Variants in NBEAL1 observed in about 807,000 individuals in gnomAD.
NBEAL1 encodes neurobeachin like 1.
Under a neutral mutation model 351.3 loss-of-function variants are expected in NBEAL1, and 273 were observed. That is an observed-to-expected ratio of 0.78 (90% CI 0.70 to 0.86). NBEAL1 has a LOEUF of 0.86. NBEAL1 is among the 40% of genes least tolerant of loss of function. The probability of loss-of-function intolerance (pLI) is 0.00; values close to 1 mark genes in which losing one functional copy is unlikely to be tolerated. For missense variants in NBEAL1, 2,961 were observed against 3,201.3 expected (o/e 0.92, Z 1.81); for synonymous variants, 1,050 against 1,086.4 (o/e 0.97, Z 0.66).
At chr2:203,151,690 G>A in intron 35 of NBEAL1, 101 bp downstream of exon 35, 1 of 1,126,564 alleles carries the variant, frequency 8.9e-7, no homozygotes, top group Non-Finnish European at 1.2e-6. Context: ...TACTTATGAA[G>A]GAAGGGTGGC....
intron 2 of NBEAL1, among the ~76,000 whole-genome samples, chr2:203,022,791 G>T (rs1445280253): frequency 6.6e-6 from 1 of 152,036 alleles, no homozygotes; most frequent in African/African-American, 2.4e-5. Flanking sequence ...TCTTAACCGA[G>T]AATGTCTTAA....
Position 203,188,583 on chromosome 2 carries a change from T to C in NBEAL1, c.6817T>C (p.Tyr2273His). Residue 2273 changes from tyrosine (Y) to histidine (H), a missense_variant, in exon 45 of 56, where the codon TAT (tyrosine) becomes CAT (histidine). Coordinates refer to ENST00000683969, the MANE Select transcript of NBEAL1 (RefSeq NM_001378026.1). ...ACTCAACGTTTTCTATTATTGTAGT[T>C]ATGAAGGTATAAATCTATACACTTT... is the stretch of plus-strand genomic sequence containing the variant. ...EALNVFYYCS[Y>H]EGAVDLDALT... 1 of 1,564,038 alleles carries C rather than the reference T, an allele frequency of 6.4e-7. No individual in the cohort carries two copies. The highest frequency in any genetic ancestry group is 8.8e-7 in the Non-Finnish European group (1 of 1,140,530).
At chr2:203,192,105 G>A (rs1036352752) in intron 46 of NBEAL1, among the ~76,000 whole-genome samples, 1 of 152,094 alleles carries the variant, frequency 6.6e-6, no homozygotes. Flanking sequence ...CTGTTCCTTA[G>A]CAACAGTTTG....
chr2:203,121,979 T>C (rs1370766732), intron 18 of NBEAL1, among the ~76,000 whole-genome samples: 1 of 151,628 alleles, frequency 6.6e-6, no homozygotes, highest in Admixed American at 6.6e-5. Flanking sequence ...AGAGATGGGG[T>C]TTTACCATGT....
At chr2:203,117,299 T>C (rs2062721922) in intron 18 of NBEAL1, among the ~76,000 whole-genome samples, 1 of 151,552 alleles carries the variant, frequency 6.6e-6, no homozygotes, top group South Asian at 2.1e-4. Context: ...CCCGTCTCTA[T>C]AAAAATACAA....
chr2:203,171,963 C>A lies in NBEAL1; in HGVS notation c.6138C>A (p.Tyr2046Ter). The A allele has an allele frequency of 6.2e-7, 1 of 1,605,628 alleles. No individual in the cohort carries two copies. Residue 2046 changes from tyrosine (Y) to a stop codon, truncating the protein, a stop_gained, in exon 40 of 56, where the codon TAC (tyrosine) becomes TAA (stop). Transcript: ENST00000683969. LOFTEE classifies it high-confidence loss of function. ...ACAGAGAGATATCAAATTTTGACTA[C>A]CTCATTCAAATAAATACAATGGCAG... ...WVNREISNFD[Y>*]LIQINTMAGR...
intron 24 of NBEAL1, among the ~76,000 whole-genome samples, chr2:203,128,601 CTT>C (rs35686158): frequency 4.3e-5 from 6 of 139,326 alleles, no homozygotes; most frequent in Non-Finnish European, 6.1e-5. Flanking sequence ...AGATTTCTTT[CTT>C]TTTTTTTTTT....
chr2:203,212,965 C>T (rs948081807), intron 54 of NBEAL1, among the ~76,000 whole-genome samples: 1 of 152,046 alleles, frequency 6.6e-6, no homozygotes, highest in Non-Finnish European at 1.5e-5. Context: ...GCTCAGAGAA[C>T]GGTGACTAGT....
chr2:203,111,532 G>A (rs1204366334), intron 15 of NBEAL1, among the ~76,000 whole-genome samples: 32 of 151,824 alleles, frequency 2.1e-4, no homozygotes, highest in East Asian at 1.9e-4. Flanking sequence ...CACCATGCCC[G>A]GCTAATGTTT....
chr2:203,068,552 A>G, intron 7 of NBEAL1, 77 bp downstream of exon 7: 1 of 714,778 alleles, frequency 1.4e-6, no homozygotes, highest in Non-Finnish European at 2.3e-6. Context: ...TCTGATTCTG[A>G]TCTTGATTCA....
At chr2:203,027,050 T>G (rs1192560879) in intron 2 of NBEAL1, among the ~76,000 whole-genome samples, 1 of 152,232 alleles carries the variant, frequency 6.6e-6, no homozygotes, top group East Asian at 1.9e-4. Flanking sequence ...TGATTTCTTT[T>G]GTGGAAATAT....
At chr2:203,084,394 T>C in intron 9 of NBEAL1, 69 bp from the exon 10 acceptor site, 1 of 666,290 alleles carries the variant, frequency 1.5e-6, no homozygotes, top group Non-Finnish European at 2.3e-6. Flanking sequence ...AGAAAAATGA[T>C]TAGAGTAAAT....
intron 12 of NBEAL1, among the ~76,000 whole-genome samples, chr2:203,101,499 T>G (rs1399463387): frequency 6.6e-6 from 1 of 152,208 alleles, no homozygotes; most frequent in Non-Finnish European, 1.5e-5. Context: ...TTTGGTTCCA[T>G]ATTAATTTTA....
At chr2:203,096,223 C>T (rs7601698) in intron 10 of NBEAL1, among the ~76,000 whole-genome samples, 139,392 of 152,266 alleles carry the variant, frequency 0.92, 64,305 homozygotes, top group Non-Finnish European at 0.97. Flanking sequence ...AGCCAGTAAG[C>T]TGCAGAACCA....
rs1306415344 is a variant in NBEAL1 at position 203,084,513 on chromosome 2, A to G, written c.1042A>G (p.Ile348Val). The change falls in exon 10 of 56, where the codon ATT becomes GTT. Residue 348 changes from isoleucine to valine, a missense_variant. Physicochemically the swap from Ile to Val is conservative, Grantham distance 29 (BLOSUM62 3). Coordinates refer to ENST00000683969, the MANE Select transcript of NBEAL1 (RefSeq NM_001378026.1). ...TACAGATAGACCTGTTCTTCAGGCC[A>G]TTTTTCTTAACAGCAATTGCTTTGA... is the stretch of plus-strand genomic sequence containing the variant. ...DCTDRPVLQAIFLNSNCFEHL... is the reference protein window; with the variant it reads ...DCTDRPVLQAVFLNSNCFEHL... The G allele has an allele frequency of 3.2e-6, 5 of 1,545,922 alleles. No individual in the cohort carries two copies. The highest frequency in any genetic ancestry group is 1.4e-5 in the African/African-American group (1 of 73,164).
chr2:203,042,183 A>G (rs2061153216), intron 3 of NBEAL1, among the ~76,000 whole-genome samples: 1 of 152,248 alleles, frequency 6.6e-6, no homozygotes, highest in African/African-American at 2.4e-5. Flanking sequence ...AGCCACTACA[A>G]GTCTTCGGGA....
At chr2:203,119,127 G>C (rs1042275490) in intron 18 of NBEAL1, among the ~76,000 whole-genome samples, 6 of 151,962 alleles carry the variant, frequency 3.9e-5, no homozygotes, top group African/African-American at 1.5e-4. Flanking sequence ...TCATGAGACA[G>C]GGACTCTATA....
chr2:203,077,960 A>T, intron 8 of NBEAL1, 123 bp downstream of exon 8: 1 of 455,540 alleles, frequency 2.2e-6, no homozygotes, highest in East Asian at 3.7e-5. Context: ...TTGAACTTAT[A>T]TATTGTAACT....
chr2:203,065,507 C>G (rs1402030859), intron 6 of NBEAL1, among the ~76,000 whole-genome samples: 1 of 152,160 alleles, frequency 6.6e-6, no homozygotes, highest in East Asian at 1.9e-4. Context: ...AATCCCAGCA[C>G]TTTGGGAGGC....
Sources: gnomAD v4.1 joint callset for allele counts (sites outside exome capture counted in the v4.1 genomes callset) on GRCh38, gnomAD v4.1.1 for gene constraint, MANE v1.5 for transcripts, NCBI Gene and HGNC (gene_info 2026-07-23, HGNC 2026-07-21) for gene names.